The following SLC6A6 variants were observed in gnomAD, a reference collection of about 807,000 sequenced individuals.
SLC6A6 encodes solute carrier family 6 member 6, also known as sodium- and chloride-dependent taurine transporter.
Under a neutral mutation model 68.8 loss-of-function variants are expected in SLC6A6, and 16 were observed. The ratio of observed to expected loss-of-function variants is 0.23; its 90% confidence interval spans 0.16 to 0.35. SLC6A6 has a LOEUF of 0.35. SLC6A6 is among the 10% of genes least tolerant of loss of function. SLC6A6 has a pLI of 1.00. For missense variants in SLC6A6, 474 were observed against 802.8 expected, an observed-to-expected ratio of 0.59 and a Z score of 4.95; for synonymous variants, 312 against 315.4, an observed-to-expected ratio of 0.99 and a Z score of 0.12.
At chr3:14,467,077 G>C (rs1700637487) in intron 7 of SLC6A6, among the ~76,000 whole-genome samples, 1 of 152,198 alleles carries the variant, frequency 6.6e-6, no homozygotes, top group African/African-American at 2.4e-5. Context: ...AGAGTTAATG[G>C]CCTTGGAGGG....
chr3:14,435,409 G>C (rs1699829827), intron 2 of SLC6A6, among the ~76,000 whole-genome samples: 1 of 152,178 alleles, frequency 6.6e-6, no homozygotes, highest in Non-Finnish European at 1.5e-5. Flanking sequence ...AATCAGGAGA[G>C]GGGAGGACCT....
intron 1 of SLC6A6, among the ~76,000 whole-genome samples, chr3:14,416,142 CAT>C (rs757624904): frequency 1.1e-4 from 17 of 152,108 alleles, no homozygotes; most frequent in African/African-American, 7.2e-5. Context: ...TGGCTGTGAA[CAT>C]GTGTGTGGCT....
chr3:14,410,447 C>A (rs1161501091), intron 1 of SLC6A6, among the ~76,000 whole-genome samples: 3 of 152,158 alleles, frequency 2.0e-5, no homozygotes, highest in Admixed American at 2.0e-4. Flanking sequence ...CAGGAGACAC[C>A]CCCAGAGCCC....
chr3:14,422,766 C>T (rs1699512510), intron 2 of SLC6A6, among the ~76,000 whole-genome samples: 1 of 152,242 alleles, frequency 6.6e-6, no homozygotes, highest in Admixed American at 6.5e-5. Context: ...GGGGTCCCAC[C>T]TGGGCCATTG....
chr3:14,456,840 G>C (rs1433898553), intron 5 of SLC6A6, among the ~76,000 whole-genome samples: 2 of 152,216 alleles, frequency 1.3e-5, no homozygotes, highest in Non-Finnish European at 2.9e-5. Context: ...TTCTTCCAGG[G>C]GTTCGCAAAC....
intron 10 of SLC6A6, among the ~76,000 whole-genome samples, chr3:14,474,017 G>A (rs538666807): frequency 2.6e-5 from 4 of 152,270 alleles, no homozygotes; most frequent in South Asian, 4.1e-4. Context: ...AGTGGCACAC[G>A]GAGAGAATCT....
chr3:14,443,986 C>G (rs776339502), intron 3 of SLC6A6, 123 bp downstream of exon 3: 1 of 675,750 alleles, frequency 1.5e-6, no homozygotes, highest in Non-Finnish European at 2.6e-6. Flanking sequence ...CCCTTGACCT[C>G]CATGAGGTCA....
At chr3:14,417,034 G>A (rs750778543) in intron 2 of SLC6A6, among the ~76,000 whole-genome samples, 15 of 152,288 alleles carry the variant, frequency 9.8e-5, no homozygotes, top group African/African-American at 2.9e-4. Context: ...TTGGAGTAAC[G>A]GGGTTTCACG....
At chr3:14,478,972 T>C in intron 12 of SLC6A6, 113 bp from the exon 13 acceptor site, 1 of 698,832 alleles carries the variant, frequency 1.4e-6, no homozygotes, top group Non-Finnish European at 2.6e-6. Context: ...TGTATATCCA[T>C]GGTGTGGAGA....
intron 2 of SLC6A6, among the ~76,000 whole-genome samples, chr3:14,424,205 T>C (rs762603087): frequency 5.8e-4 from 88 of 152,046 alleles, no homozygotes; most frequent in African/African-American, 2.1e-3. Context: ...AGTTATGGAC[T>C]TTTGCTGTGG....
At chr3:14,445,492 C>T (rs969740666) in intron 3 of SLC6A6, among the ~76,000 whole-genome samples, 7 of 151,810 alleles carry the variant, frequency 4.6e-5, no homozygotes, top group Non-Finnish European at 8.8e-5. Flanking sequence ...GGCTTGAAGT[C>T]CCTGGTAGAT....
Position 14,445,827 on chromosome 3 carries a change from G to A in SLC6A6, c.340G>A (p.Glu114Lys), listed in dbSNP as rs368267241. The A allele has an allele frequency of 2.5e-6, 4 of 1,614,120 alleles. No individual in the cohort carries two copies. In the African/African-American group the frequency reaches 4.0e-5, roughly 16 times the overall value. The stretch of plus-strand genomic sequence containing the variant: ...CTCTGAAGGGGGCATCACCTGCTGG[G>A]AAAAGATCTGCCCCTTGTTCTCTGG... ...YTSEGGITCW[E>K]KICPLFSGIG... Residue 114 changes from glutamate (E) to lysine (K), a missense_variant, in exon 4 of 15, where the codon GAA (glutamate) becomes AAA (lysine). By Grantham distance (56) the Glu-to-Lys change is moderately conservative. Around this residue, in one of 2 missense-constraint regions of SLC6A6, gnomAD observed 280 missense variants for 533.1 expected, o/e 0.53. Transcript: ENST00000622186.
chr3:14,450,751 G>A lies in SLC6A6; in HGVS notation c.599+2935G>A, dbSNP rs758500115. Among the ~76,000 whole-genome samples, 11 of 152,212 alleles carry A rather than the reference G, an allele frequency of 7.2e-5. No individual in the cohort carries two copies. Among genetic ancestry groups the A allele is most frequent in the Non-Finnish European group, 1.5e-4 (10 of 68,034 alleles). On this transcript the variant is annotated intron_variant, in intron 5 of 14. Coordinates refer to ENST00000622186, the MANE Select transcript of SLC6A6 (RefSeq NM_003043.6). The surrounding 1 kb of genome is among the most constrained non-coding windows in gnomAD (Gnocchi z 4.1). ...CAGTTCCAGCCCTGAGCCAGGTGCC[G>A]TGGGCAAGAAAGACCCGGCCTCCTG...
chr3:14,462,665 C>T (rs1193485674), intron 6 of SLC6A6, among the ~76,000 whole-genome samples: 1 of 151,944 alleles, frequency 6.6e-6, no homozygotes, highest in African/African-American at 2.4e-5. Context: ...CGCCATTGCA[C>T]TCTAGCATGG....
chr3:14,402,603 G>A (rs945472626), upstream of SLC6A6: 49 of 397,766 alleles, frequency 1.2e-4, no homozygotes, highest in African/African-American at 8.4e-4. This position sits in a 1 kb window ranked among gnomAD's most constrained non-coding sequence, Gnocchi z 4.8. Flanking sequence ...GATGGGTGAT[G>A]CTGAGAGCTG....
At chr3:14,438,796 G>A (rs1437534203) in intron 2 of SLC6A6, among the ~76,000 whole-genome samples, 1 of 152,234 alleles carries the variant, frequency 6.6e-6, no homozygotes, top group Non-Finnish European at 1.5e-5. Context: ...GAGTGGTTAT[G>A]CCATTGACAA....
In SLC6A6 at chr3:14,472,775, A is replaced by T. The variant is rs994834148; in HGVS notation, c.1209+458A>T. ...GGGACCCACATTTCTGTGTGAGCTGATCATTGTCTGGGCCATCGTAATAAG... is the reference window on the plus strand; with the variant it reads ...GGGACCCACATTTCTGTGTGAGCTGTTCATTGTCTGGGCCATCGTAATAAG... On this transcript the variant is annotated intron_variant, in intron 10 of 14. Transcript: ENST00000622186. This position sits in a 1 kb window ranked among gnomAD's most constrained non-coding sequence, Gnocchi z 4.5. Among the ~76,000 whole-genome samples the T allele has an allele frequency of 1.3e-5, 2 of 152,182 alleles. No individual in the cohort carries two copies. Among genetic ancestry groups the T allele is most frequent in the African/African-American group, 4.8e-5 (2 of 41,442 alleles).
chr3:14,424,777 TCTCCAGAG>T (rs1287550411), intron 2 of SLC6A6, among the ~76,000 whole-genome samples: 1 of 152,042 alleles, frequency 6.6e-6, no homozygotes, highest in Non-Finnish European at 1.5e-5. Flanking sequence ...CGGCCACAAG[TCTCCAGAG>T]GAAACCCACT....
At chr3:14,441,426 C>T (rs962532397) in intron 2 of SLC6A6, among the ~76,000 whole-genome samples, 32 of 152,278 alleles carry the variant, frequency 2.1e-4, no homozygotes, top group African/African-American at 6.3e-4. Context: ...TGTCGAATCC[C>T]GCGCCCGGCC....
Sources: gnomAD v4.1 joint callset for allele counts (sites outside exome capture counted in the v4.1 genomes callset) on GRCh38, gnomAD v4.1.1 for gene constraint, gnomAD v4.1.1 regional missense constraint, Gnocchi (gnomAD v3.1) non-coding constraint, MANE v1.5 for transcripts, NCBI Gene and HGNC (gene_info 2026-07-23, HGNC 2026-07-21) for gene names.